The following BABAM2 variants were observed in gnomAD, a reference collection of about 807,000 sequenced individuals.
BABAM2 encodes the protein BRISC and BRCA1 A complex member 2.
In BABAM2, 31 loss-of-function variants were observed where a neutral mutation model predicts 54.7. The observed-to-expected ratio is 0.57, with a 90% CI of 0.43 to 0.77. The LOEUF is 0.77. Ranked by LOEUF, BABAM2 falls within the 30% of genes least tolerant of loss-of-function variation. BABAM2 has a pLI of 0.00. For missense variants in BABAM2, 364 were observed against 455.8 expected (o/e 0.80, Z 1.83); for synonymous variants, 167 against 162.9 (o/e 1.03, Z -0.19).
At chr2:28,057,221 TA>T (rs1678499915) in intron 6 of BABAM2, among the ~76,000 whole-genome samples, 1 of 152,218 alleles carries the variant, frequency 6.6e-6, no homozygotes. Context: ...CAGTGTTTAT[TA>T]AGACTCTAAG....
intron 7 of BABAM2, among the ~76,000 whole-genome samples, chr2:28,232,063 C>T (rs1386315608): frequency 6.6e-6 from 1 of 152,036 alleles, no homozygotes; most frequent in African/African-American, 2.4e-5. Context: ...GCCTCAGCCT[C>T]CCAAAGTGCT....
intron 6 of BABAM2, among the ~76,000 whole-genome samples, chr2:28,093,963 A>C (rs1193024460): frequency 1.3e-5 from 2 of 152,204 alleles, no homozygotes; most frequent in Non-Finnish European, 2.9e-5. Flanking sequence ...GGGCTGATGC[A>C]GGAAATGATA....
chr2:28,301,963 C>G (rs1688141338), intron 11 of BABAM2, among the ~76,000 whole-genome samples: 1 of 152,132 alleles, frequency 6.6e-6, no homozygotes, highest in African/African-American at 2.4e-5. Flanking sequence ...TAGCCTCTTT[C>G]CAAATAGTCT....
chr2:28,159,118 C>T (rs1672813705), intron 7 of BABAM2, among the ~76,000 whole-genome samples: 1 of 152,168 alleles, frequency 6.6e-6, no homozygotes. Context: ...CTGTTTGTTT[C>T]TAAAGAACTA....
intron 3 of BABAM2, among the ~76,000 whole-genome samples, chr2:27,984,433 A>G (rs948561007): frequency 6.6e-6 from 1 of 152,064 alleles, no homozygotes; most frequent in African/African-American, 2.4e-5. Context: ...TATAGTTAGC[A>G]CTTTTGAATT....
At chr2:28,068,429 T>G (rs1663821457) in intron 6 of BABAM2, among the ~76,000 whole-genome samples, 2 of 152,220 alleles carry the variant, frequency 1.3e-5, no homozygotes, top group South Asian at 4.1e-4. Flanking sequence ...TTTATAACTC[T>G]GTGGTAGATC....
chr2:28,164,333 G>A (rs17759655), intron 7 of BABAM2, among the ~76,000 whole-genome samples: 10,062 of 152,028 alleles, frequency 0.066, 364 homozygotes, highest in African/African-American at 0.079. Flanking sequence ...GGAGTTAGAG[G>A]AGTGCGTCCT....
At chr2:28,128,090 G>C (rs565285777) in intron 6 of BABAM2, among the ~76,000 whole-genome samples, 18 of 152,098 alleles carry the variant, frequency 1.2e-4, no homozygotes, top group Non-Finnish European at 1.5e-4. Flanking sequence ...GGGATTACAG[G>C]CATGAGCCAC....
At chr2:28,063,172 A>G (rs896433852) in intron 6 of BABAM2, among the ~76,000 whole-genome samples, 6 of 152,204 alleles carry the variant, frequency 3.9e-5, no homozygotes, top group African/African-American at 7.2e-5. Flanking sequence ...AGTAGGAAGG[A>G]AAAATCCTTT....
At chr2:28,307,092 T>C (rs1454345640) in intron 11 of BABAM2, among the ~76,000 whole-genome samples, 20 of 137,344 alleles carry the variant, frequency 1.5e-4, no homozygotes, top group African/African-American at 4.6e-4. Flanking sequence ...CTGCAACCTC[T>C]GCCTCCCGGG....
chr2:28,120,398 A>G (rs1163318891), intron 6 of BABAM2, among the ~76,000 whole-genome samples: 2 of 152,196 alleles, frequency 1.3e-5, no homozygotes, highest in African/African-American at 4.8e-5. Flanking sequence ...TTCTTTGAGC[A>G]CTGGTGCTGA....
At chr2:28,100,675 A>G (rs142382394) in intron 6 of BABAM2, among the ~76,000 whole-genome samples, 2 of 152,318 alleles carry the variant, frequency 1.3e-5, no homozygotes, top group Non-Finnish European at 2.9e-5. Context: ...GACACTGGAA[A>G]GGAGACCATG....
At chr2:28,110,728 T>C (rs1177165880) in intron 6 of BABAM2, among the ~76,000 whole-genome samples, 2 of 152,080 alleles carry the variant, frequency 1.3e-5, no homozygotes, top group Non-Finnish European at 2.9e-5. Flanking sequence ...TATTCAGAAG[T>C]GGTATTGCTG....
At chr2:28,048,492 G>A (rs1677764286) in intron 6 of BABAM2, among the ~76,000 whole-genome samples, 3 of 152,146 alleles carry the variant, frequency 2.0e-5, no homozygotes, top group Admixed American at 1.3e-4. Context: ...ACATAAACAC[G>A]AAAAATATTT....
At chr2:28,114,433 A>G (rs1204482153) in intron 6 of BABAM2, among the ~76,000 whole-genome samples, 1 of 152,224 alleles carries the variant, frequency 6.6e-6, no homozygotes, top group African/African-American at 2.4e-5. Context: ...GGAGTTCTTC[A>G]TCCTTTCCTC....
intron 5 of BABAM2, among the ~76,000 whole-genome samples, chr2:28,025,902 G>A (rs1675618822): frequency 6.6e-6 from 1 of 152,250 alleles, no homozygotes; most frequent in Non-Finnish European, 1.5e-5. Context: ...AAAAAATCAA[G>A]TCAGACCTTA....
At chr2:28,204,549 A>G (rs1678625298) in intron 7 of BABAM2, among the ~76,000 whole-genome samples, 1 of 151,586 alleles carries the variant, frequency 6.6e-6, no homozygotes, top group Admixed American at 6.6e-5. Flanking sequence ...CATACTTAGG[A>G]CAAGGTCATT....
chr2:27,928,247 C>T (rs912169716), intron 2 of BABAM2, among the ~76,000 whole-genome samples: 2 of 152,164 alleles, frequency 1.3e-5, no homozygotes, highest in Non-Finnish European at 2.9e-5. Context: ...ATCTCGTGAC[C>T]TCGTGATCCG....
chr2:27,988,134 A>G, intron 4 of BABAM2, 47 bp downstream of exon 4: 3 of 1,572,290 alleles, frequency 1.9e-6, no homozygotes, highest in Non-Finnish European at 2.6e-6. Context: ...GGTGAAAGGA[A>G]AACAAAATTG....
Sources: allele counts gnomAD v4.1 joint callset (sites outside exome capture counted in the v4.1 genomes callset), GRCh38; gene constraint gnomAD v4.1.1; transcripts MANE v1.5; gene names NCBI Gene and HGNC (gene_info 2026-07-23, HGNC 2026-07-21).